Variants in ADGRV1 observed in about 807,000 individuals in gnomAD.
ADGRV1 encodes adhesion G protein-coupled receptor V1.
A neutral mutation model predicts 596.2 loss-of-function variants in ADGRV1; 359 were observed. The observed-to-expected ratio is 0.60, with a 90% CI of 0.55 to 0.66. The LOEUF is 0.66. Among genes scored for constraint, ADGRV1 ranks in the 30% least tolerant of loss-of-function variants. ADGRV1 has a pLI of 0.00. For missense variants in ADGRV1, 7,274 were observed against 7,575.6 expected (o/e 0.96, Z 1.48); for synonymous variants, 2,681 against 2,679.2 (o/e 1.00, Z -0.02).
chr5:90,662,460 T>C (rs1003929425), intron 21 of ADGRV1, among the ~76,000 whole-genome samples: 2 of 152,158 alleles, frequency 1.3e-5, no homozygotes, highest in Admixed American at 1.3e-4. Context: ...CCCAAAGTGC[T>C]GGGATTACAG....
intron 1 of ADGRV1, among the ~76,000 whole-genome samples, chr5:90,581,672 G>A (rs926404344): frequency 6.6e-6 from 1 of 152,180 alleles, no homozygotes; most frequent in South Asian, 2.1e-4. Flanking sequence ...CTACTGGGAG[G>A]TGTCTCCCAG....
At chr5:90,857,586 C>T (rs910059578) in intron 82 of ADGRV1, among the ~76,000 whole-genome samples, 1 of 152,078 alleles carries the variant, frequency 6.6e-6, no homozygotes, top group Admixed American at 6.6e-5. Context: ...TTAGTATCTG[C>T]TTTTATCACT....
At chr5:90,711,972 T>G (rs1749416678) in intron 41 of ADGRV1, among the ~76,000 whole-genome samples, 1 of 152,076 alleles carries the variant, frequency 6.6e-6, no homozygotes, top group South Asian at 2.1e-4. Context: ...TTTATATTTT[T>G]AGTGTATTTT....
At chr5:90,961,043 CAT>C (rs1777960393) in intron 83 of ADGRV1, among the ~76,000 whole-genome samples, 1 of 152,078 alleles carries the variant, frequency 6.6e-6, no homozygotes, top group South Asian at 2.1e-4. Flanking sequence ...TTTATTGTAT[CAT>C]GTGTCTAGCT....
intron 85 of ADGRV1, among the ~76,000 whole-genome samples, chr5:91,027,475 TGGAAACAGCATAAGAA>T (rs1276258557): frequency 1.3e-5 from 2 of 152,130 alleles, no homozygotes; most frequent in Middle Eastern, 3.4e-3. Context: ...TTGAAAGATA[TGGAAACAGCATAAGAA>T]GGAAAGTCAA....
intron 2 of ADGRV1, among the ~76,000 whole-genome samples, chr5:90,616,787 A>G (rs1763422255): frequency 6.6e-6 from 1 of 152,184 alleles, no homozygotes; most frequent in African/African-American, 2.4e-5. Context: ...CTATTTTGAT[A>G]TATACAATAA....
At chr5:90,802,637 T>G (rs1459260938) in intron 70 of ADGRV1, 102 bp from the exon 71 acceptor site, 1 of 989,706 alleles carries the variant, frequency 1.0e-6, no homozygotes, top group Non-Finnish European at 1.5e-6. Context: ...TGAAACTGTT[T>G]GCTACTAAAG....
At chr5:90,571,539 G>A (rs996445440) in intron 1 of ADGRV1, among the ~76,000 whole-genome samples, 2 of 152,050 alleles carry the variant, frequency 1.3e-5, no homozygotes, top group Non-Finnish European at 2.9e-5. Flanking sequence ...TATTACCTCT[G>A]GCAGCTATTA....
intron 83 of ADGRV1, among the ~76,000 whole-genome samples, chr5:90,922,023 A>G (rs529035678): frequency 1.8e-4 from 27 of 152,228 alleles, no homozygotes; most frequent in African/African-American, 5.5e-4. Flanking sequence ...GGTCTAAGAA[A>G]AACAGCACCT....
At chr5:90,946,732 G>A (rs1392052997) in intron 83 of ADGRV1, among the ~76,000 whole-genome samples, 1 of 152,070 alleles carries the variant, frequency 6.6e-6, no homozygotes, top group Non-Finnish European at 1.5e-5. Flanking sequence ...TTCTGTCCCT[G>A]TGTTAGTTTG....
At chr5:90,753,194 G>C (rs1755458111) in intron 53 of ADGRV1, among the ~76,000 whole-genome samples, 1 of 152,128 alleles carries the variant, frequency 6.6e-6, no homozygotes, top group Non-Finnish European at 1.5e-5. Context: ...CCGGGCAAAA[G>C]TTTTGCAGAG....
intron 33 of ADGRV1, among the ~76,000 whole-genome samples, chr5:90,695,220 G>A (rs1747030493): frequency 6.6e-6 from 1 of 152,038 alleles, no homozygotes; most frequent in Admixed American, 6.6e-5. Flanking sequence ...TAATCCTAAT[G>A]ATAAATTTAT....
intron 83 of ADGRV1, among the ~76,000 whole-genome samples, chr5:90,958,383 T>C (rs2150938606): frequency 6.6e-6 from 1 of 151,504 alleles, no homozygotes; most frequent in Non-Finnish European, 1.5e-5. Context: ...CAAAATTTAA[T>C]ATCAATTCTC....
chr5:91,136,509 G>C (rs1359716282), intron 87 of ADGRV1, among the ~76,000 whole-genome samples: 1 of 152,220 alleles, frequency 6.6e-6, no homozygotes, highest in African/African-American at 2.4e-5. Flanking sequence ...TGGTAGGAAT[G>C]TGCTGTACAA....
rs1187180384 is a variant in ADGRV1 at position 90,674,116 on chromosome 5, A to G, written c.4992A>G (p.Thr1664=). The part of the protein sequence containing the change: ...IPELNEYFRV[T]LVSAIPGDGK... Reference sequence around the variant, plus strand: ...AACTTAATGAGTATTTCCGTGTGACATTGGTTTCTGCAATTCCTGGAGATG... The same window carrying G: ...AACTTAATGAGTATTTCCGTGTGACGTTGGTTTCTGCAATTCCTGGAGATG... The change falls in exon 23 of 90, where the codon ACA becomes ACG. Residue 1664 remains threonine, a synonymous_variant. Coordinates refer to ENST00000405460, the MANE Select transcript of ADGRV1 (RefSeq NM_032119.4). 1.2e-6 allele frequency: 2 copies of G among 1,610,672 alleles called. No individual in the cohort carries two copies. The highest frequency in any genetic ancestry group is 1.3e-5 in the African/African-American group (1 of 74,684).
At chr5:91,060,395 TA>T (rs1391080363) in intron 85 of ADGRV1, among the ~76,000 whole-genome samples, 55 of 17,614 alleles carry the variant, frequency 3.1e-3, no homozygotes, top group African/African-American at 8.7e-3. Flanking sequence ...TATATATATA[TA>T]TATTTTTTTT....
At chr5:91,065,028 G>A (rs1203282004) in intron 85 of ADGRV1, among the ~76,000 whole-genome samples, 2 of 152,196 alleles carry the variant, frequency 1.3e-5, no homozygotes, top group South Asian at 2.1e-4. Context: ...TAAAGGATAA[G>A]CATCTACAGA....
intron 85 of ADGRV1, among the ~76,000 whole-genome samples, chr5:91,014,136 C>CCACACACACACACA (rs70973720): frequency 3.1e-4 from 11 of 35,698 alleles, no homozygotes; most frequent in African/African-American, 8.8e-4. Context: ...TTCACAATTG[C>CCACACACACACACA]CACACACACA....
intron 78 of ADGRV1, among the ~76,000 whole-genome samples, chr5:90,845,506 C>A (rs1199810854): frequency 6.6e-6 from 1 of 152,020 alleles, no homozygotes; most frequent in Non-Finnish European, 1.5e-5. Context: ...TATTGCTTGG[C>A]TGGCTTCTGA....
Sources: allele counts gnomAD v4.1 joint callset (sites outside exome capture counted in the v4.1 genomes callset), GRCh38; gene constraint gnomAD v4.1.1; transcripts MANE v1.5; gene names NCBI Gene and HGNC (gene_info 2026-07-23, HGNC 2026-07-21).